IL1RAPL2: variants seen among roughly 807,000 people sequenced by gnomAD.
IL1RAPL2 encodes X-linked interleukin-1 receptor accessory protein-like 2.
In IL1RAPL2, 3 loss-of-function variants were observed where a neutral mutation model predicts 44.1. That is an observed-to-expected ratio of 0.07 (90% CI 0.03 to 0.18). IL1RAPL2 has a LOEUF of 0.18. IL1RAPL2 is among the 10% of genes least tolerant of loss of function. The pLI, the probability that IL1RAPL2 is intolerant of heterozygous loss-of-function variation, is 1.00. For synonymous variants in IL1RAPL2, 181 were observed against 178.8 expected (o/e 1.01, Z -0.10); for missense variants, 391 against 496.4 (o/e 0.79, Z 2.02).
At chrX:105,626,756 A>T (rs1043825578) in intron 6 of IL1RAPL2, among the ~76,000 whole-genome samples, 1 of 111,946 alleles carries the variant, frequency 8.9e-6, no homozygotes, top group South Asian at 3.7e-4. Context: ...TCAAAAAAAC[A>T]TAAATAATTG....
At chrX:104,807,161 G>C (rs1197087991) in intron 2 of IL1RAPL2, among the ~76,000 whole-genome samples, 1 of 110,632 alleles carries the variant, frequency 9.0e-6, no homozygotes, top group Admixed American at 9.6e-5. Context: ...CTTGAAATAA[G>C]GATTTTGTCA....
intron 2 of IL1RAPL2, among the ~76,000 whole-genome samples, chrX:105,001,617 C>G (rs776057310): frequency 8.1e-5 from 9 of 111,420 alleles, no homozygotes; most frequent in Non-Finnish European, 1.7e-4. Flanking sequence ...AAGCTCAAAT[C>G]AAACAGACTC....
intron 1 of IL1RAPL2, among the ~76,000 whole-genome samples, chrX:104,576,157 T>C (rs2147990252): frequency 9.0e-6 from 1 of 111,381 alleles, no homozygotes; most frequent in South Asian, 3.8e-4. Context: ...GTGGTATTTT[T>C]ATTACAATTT....
intron 6 of IL1RAPL2, among the ~76,000 whole-genome samples, chrX:105,663,060 T>C (rs210556): frequency 0.51 from 56,083 of 110,992 alleles, 12,461 homozygotes; most frequent in African/African-American, 0.88. Context: ...CTTACCTATA[T>C]AGTTGACCCT....
chrX:104,606,552 T>C (rs776306542), intron 1 of IL1RAPL2, among the ~76,000 whole-genome samples: 65 of 111,987 alleles, frequency 5.8e-4, no homozygotes, highest in African/African-American at 2.0e-3. Context: ...GATGACATGA[T>C]TGTATATTTA....
At chrX:104,774,817 TTGAA>T (rs1274512585) in intron 2 of IL1RAPL2, among the ~76,000 whole-genome samples, 1 of 112,494 alleles carries the variant, frequency 8.9e-6, no homozygotes, top group East Asian at 2.8e-4. Context: ...ATTATGTAAT[TTGAA>T]TGGGAAATGG....
At chrX:105,728,731 T>C (rs1200579230) in intron 7 of IL1RAPL2, among the ~76,000 whole-genome samples, 1 of 111,189 alleles carries the variant, frequency 9.0e-6, no homozygotes, top group Admixed American at 9.6e-5. Context: ...ATTGTTAAAG[T>C]CCATGGTTGA....
At chrX:105,167,624 C>T (rs1387500141) in intron 2 of IL1RAPL2, among the ~76,000 whole-genome samples, 1 of 67,352 alleles carries the variant, frequency 1.5e-5, no homozygotes, top group Non-Finnish European at 2.6e-5. Flanking sequence ...CTCCTCCCCC[C>T]GCCCACCCCC....
chrX:104,672,481 T>C (rs1930631064), intron 2 of IL1RAPL2, among the ~76,000 whole-genome samples: 1 of 108,384 alleles, frequency 9.2e-6, no homozygotes, highest in Admixed American at 1.0e-4. Flanking sequence ...CACATTTTCT[T>C]AATCCAGTCT....
At chrX:105,055,899 A>C (rs1245149310) in intron 2 of IL1RAPL2, among the ~76,000 whole-genome samples, 1 of 111,774 alleles carries the variant, frequency 8.9e-6, no homozygotes, top group East Asian at 2.8e-4. Context: ...AAAATGACTT[A>C]ATACACTACT....
intron 2 of IL1RAPL2, among the ~76,000 whole-genome samples, chrX:104,989,387 A>G (rs1399695828): frequency 8.9e-6 from 1 of 111,928 alleles, no homozygotes; most frequent in Non-Finnish European, 1.9e-5. Context: ...CATGGTTTGT[A>G]CCTGCTGCTA....
At chrX:104,927,667 C>T (rs1220347451) in intron 2 of IL1RAPL2, among the ~76,000 whole-genome samples, 1 of 111,911 alleles carries the variant, frequency 8.9e-6, no homozygotes, top group East Asian at 2.8e-4. Context: ...AATCCCTTTC[C>T]TTCTAGTCTC....
intron 2 of IL1RAPL2, among the ~76,000 whole-genome samples, chrX:104,898,340 C>T (rs1418805371): frequency 2.7e-5 from 3 of 112,106 alleles, no homozygotes; most frequent in African/African-American, 6.5e-5. Context: ...ACTGGAAGTA[C>T]TTTGAGCTGC....
At chrX:105,595,695 G>A (rs976107687) in intron 6 of IL1RAPL2, among the ~76,000 whole-genome samples, 6 of 110,974 alleles carry the variant, frequency 5.4e-5, no homozygotes, top group African/African-American at 2.0e-4. Context: ...GAGTTTGGAA[G>A]TGTTCCCTCT....
chrX:104,814,316 G>A (rs995381403), intron 2 of IL1RAPL2, among the ~76,000 whole-genome samples: 3 of 112,023 alleles, frequency 2.7e-5, no homozygotes, highest in African/African-American at 6.5e-5. Context: ...GAACTGTATC[G>A]TACATCCCCA....
chrX:104,620,571 C>A (rs759105273), intron 1 of IL1RAPL2, among the ~76,000 whole-genome samples: 14 of 87,385 alleles, frequency 1.6e-4, no homozygotes, highest in African/African-American at 4.9e-4. Flanking sequence ...GCCTGGGAGG[C>A]AGAGCTTGCA....
rs970151869 is a variant in IL1RAPL2 at position 104,716,035 on chromosome X, A to G, written c.82+57040A>G. 3.6e-5 allele frequency among the ~76,000 whole-genome samples: 4 copies of G among 111,623 alleles called. No individual in the cohort carries two copies. The South Asian group carries it at 1.5e-3, about 42-fold the overall frequency. ...GCATCACACTAGCCGACTTCAAACT[A>G]TACTACAAGGCTACACTAACAAAAC... On this transcript the variant is annotated intron_variant, in intron 2 of 10. Transcript: ENST00000372582.
chrX:105,751,384 T>C (rs2038596375), intron 9 of IL1RAPL2, among the ~76,000 whole-genome samples: 1 of 112,121 alleles, frequency 8.9e-6, no homozygotes, highest in South Asian at 3.7e-4. Context: ...ATTATACAAT[T>C]TATTATGTTA....
intron 5 of IL1RAPL2, among the ~76,000 whole-genome samples, chrX:105,297,490 A>C (rs1343201674): frequency 1.8e-5 from 2 of 110,973 alleles, no homozygotes; most frequent in Non-Finnish European, 3.8e-5. Context: ...GGGGTGCCTC[A>C]GGAAACTACA....
Sources: allele counts gnomAD v4.1 joint callset (sites outside exome capture counted in the v4.1 genomes callset), GRCh38; gene constraint gnomAD v4.1.1; transcripts MANE v1.5; gene names NCBI Gene and HGNC (gene_info 2026-07-23, HGNC 2026-07-21).